RIMS2: variants seen among roughly 807,000 people sequenced by gnomAD.
RIMS2 encodes regulating synaptic membrane exocytosis protein 2.
A neutral mutation model predicts 174.4 loss-of-function variants in RIMS2; 59 were observed. The ratio of observed to expected loss-of-function variants is 0.34; its 90% CI spans 0.27 to 0.42. RIMS2 has a LOEUF of 0.42. RIMS2 is among the 10% of genes least tolerant of loss of function. RIMS2 has a pLI of 1.00. For synonymous variants in RIMS2, 606 were observed against 572.5 expected (o/e 1.06, Z -0.84); for missense variants, 1,620 against 1,666.3 (o/e 0.97, Z 0.48).
At chr8:104,016,461 G>A (rs145643437) in intron 19 of RIMS2, among the ~76,000 whole-genome samples, 113 of 152,014 alleles carry the variant, frequency 7.4e-4, no homozygotes, top group African/African-American at 2.2e-3. Flanking sequence ...CTGTTTTGTC[G>A]TTCTTTCTAT....
chr8:103,871,128 G>A (rs967547739), intron 3 of RIMS2, among the ~76,000 whole-genome samples: 1 of 152,158 alleles, frequency 6.6e-6, no homozygotes, highest in African/African-American at 2.4e-5. Context: ...ATGTAAAAGG[G>A]CCAGGCGCAG....
chr8:104,220,335 A>G (rs910144071), intron 19 of RIMS2, among the ~76,000 whole-genome samples: 2 of 152,150 alleles, frequency 1.3e-5, no homozygotes, highest in African/African-American at 4.8e-5. Context: ...GCAGGAGGGA[A>G]GTGGTGGTCA....
chr8:104,023,032 G>A (rs2096146577), intron 19 of RIMS2, among the ~76,000 whole-genome samples: 1 of 152,162 alleles, frequency 6.6e-6, no homozygotes, highest in Admixed American at 6.5e-5. Flanking sequence ...GCTATCTTCT[G>A]AGAGAATGGC....
intron 16 of RIMS2, chr8:103,977,540 T>A (rs77990625): frequency 1.3e-5 from 2 of 152,162 alleles, no homozygotes; most frequent in Non-Finnish European, 2.9e-5. Flanking sequence ...TTTGTGGGGA[T>A]TTTTTCCCAC....
intron 2 of RIMS2, among the ~76,000 whole-genome samples, chr8:103,753,927 C>A (rs61099915): frequency 3.9e-5 from 6 of 152,026 alleles, no homozygotes; most frequent in African/African-American, 1.2e-4. Flanking sequence ...TCTCTATCTC[C>A]TTCAGTTCTG....
intron 2 of RIMS2, among the ~76,000 whole-genome samples, chr8:103,761,457 G>T (rs1218024570): frequency 6.6e-6 from 1 of 152,226 alleles, no homozygotes; most frequent in Non-Finnish European, 1.5e-5. Flanking sequence ...TCAGCTGAGT[G>T]CTCTCCTCCT....
At chr8:103,866,090 A>AT (rs2154505027) in intron 3 of RIMS2, among the ~76,000 whole-genome samples, 1 of 152,296 alleles carries the variant, frequency 6.6e-6, no homozygotes, top group South Asian at 2.1e-4. Flanking sequence ...AAACAGTAAT[A>AT]TTTTTAAAAT....
intron 2 of RIMS2, among the ~76,000 whole-genome samples, chr8:103,756,422 A>C (rs1434942056): frequency 5.8e-5 from 6 of 103,652 alleles, no homozygotes; most frequent in East Asian, 2.6e-4. Flanking sequence ...CTTGTATATT[A>C]TTTTCTTTTC....
chr8:104,004,524 C>A (rs1378278648), intron 17 of RIMS2, among the ~76,000 whole-genome samples: 2 of 151,988 alleles, frequency 1.3e-5, no homozygotes, highest in Non-Finnish European at 2.9e-5. Flanking sequence ...GGGGAAAAAA[C>A]AGGTTGCAGT....
chr8:103,945,964 C>T (rs893916027), intron 14 of RIMS2, among the ~76,000 whole-genome samples: 1 of 152,062 alleles, frequency 6.6e-6, no homozygotes, highest in Non-Finnish European at 1.5e-5. Flanking sequence ...CAGCAGTGCA[C>T]TAGAGATTGT....
intron 19 of RIMS2, among the ~76,000 whole-genome samples, chr8:104,126,052 A>T (rs1037312854): frequency 6.6e-6 from 1 of 152,126 alleles, no homozygotes; most frequent in African/African-American, 2.4e-5. Context: ...CTTGTGATTG[A>T]GGCTAGAAGG....
intron 19 of RIMS2, among the ~76,000 whole-genome samples, chr8:104,230,099 G>A (rs1192826708): frequency 1.3e-5 from 2 of 151,978 alleles, no homozygotes; most frequent in Non-Finnish European, 2.9e-5. Flanking sequence ...GACCAACATG[G>A]AGAAACCCTG....
intron 19 of RIMS2, among the ~76,000 whole-genome samples, chr8:104,184,959 G>A (rs1210212328): frequency 1.3e-5 from 2 of 151,340 alleles, no homozygotes; most frequent in African/African-American, 2.4e-5. Flanking sequence ...TCTATGGAAT[G>A]CTTTTTTGTT....
intron 18 of RIMS2, among the ~76,000 whole-genome samples, chr8:104,013,832 G>A (rs1320591911): frequency 1.4e-4 from 22 of 152,110 alleles, no homozygotes; most frequent in Admixed American, 1.4e-3. Context: ...TGTCCTGACT[G>A]CATTTGTTTT....
At chr8:104,059,755 A>C (rs1184807073) in intron 19 of RIMS2, among the ~76,000 whole-genome samples, 1 of 151,544 alleles carries the variant, frequency 6.6e-6, no homozygotes, top group African/African-American at 2.4e-5. Flanking sequence ...TCAATACCTA[A>C]TTTATTGAGA....
chr8:104,248,449 C>A (rs1006417724), intron 20 of RIMS2, among the ~76,000 whole-genome samples: 2 of 152,070 alleles, frequency 1.3e-5, no homozygotes, highest in Non-Finnish European at 2.9e-5. Context: ...GCCTTTGAGA[C>A]CAAGGAAGAG....
chr8:103,829,760 G>A (rs767339666), intron 3 of RIMS2, among the ~76,000 whole-genome samples: 3,402 of 152,194 alleles, frequency 0.022, 61 homozygotes, highest in Middle Eastern at 0.065. Flanking sequence ...CAGGTACTAT[G>A]CTCATTACAT....
At chr8:103,616,067 A>C (rs1378308986) in intron 1 of RIMS2, among the ~76,000 whole-genome samples, 2 of 152,328 alleles carry the variant, frequency 1.3e-5, no homozygotes, top group East Asian at 3.9e-4. Flanking sequence ...GACATGATAA[A>C]AAAAAGAAAG....
intron 1 of RIMS2, among the ~76,000 whole-genome samples, chr8:103,615,998 G>A (rs2095495517): frequency 1.3e-5 from 2 of 151,984 alleles, no homozygotes; most frequent in African/African-American, 4.8e-5. Context: ...CGAGGAGAAG[G>A]GACATCTCCC....
Sources: allele counts gnomAD v4.1 joint callset (sites outside exome capture counted in the v4.1 genomes callset), GRCh38; gene constraint gnomAD v4.1.1; transcripts MANE v1.5; gene names NCBI Gene and HGNC (gene_info 2026-07-23, HGNC 2026-07-21).